Variants in MAGI1 observed in about 807,000 individuals in gnomAD.
MAGI1 encodes the protein membrane associated guanylate kinase, WW and PDZ domain containing 1, also known as membrane-associated guanylate kinase, WW and PDZ domain-containing protein 1.
In MAGI1, 58 loss-of-function variants were observed where a neutral mutation model predicts 139.9. The ratio of observed to expected loss-of-function variants is 0.41; its 90% CI spans 0.34 to 0.52. The LOEUF (loss-of-function observed/expected upper bound fraction) is 0.52, where lower values mean the gene tolerates loss of function less well. MAGI1 is among the 20% of genes least tolerant of loss of function. The pLI is 0.12. For synonymous variants in MAGI1, 812 were observed against 737.9 expected (o/e 1.10, Z -1.63); for missense variants, 1,874 against 1,901.6 (o/e 0.99, Z 0.27).
At chr3:65,806,669 G>A (rs1362289604) in intron 1 of MAGI1, among the ~76,000 whole-genome samples, 1 of 152,088 alleles carries the variant, frequency 6.6e-6, no homozygotes, top group Non-Finnish European at 1.5e-5. Context: ...TAATTCTGCT[G>A]GAGTTTTTAT....
At position 65,756,193 on chromosome 3, in the gene MAGI1, C is replaced by T. The variant is rs1688802381; in HGVS notation, c.314-134105G>A. ...AAAAGGGACAATTTGATGTAGTTTT[C>T]CACTTAGTGGATCCCTGAGAAAAAA... On this transcript the variant is annotated intron_variant, in intron 1 of 22. Transcript: ENST00000402939. Among the ~76,000 whole-genome samples, 3 of 150,956 alleles carry T rather than the reference C, an allele frequency of 2.0e-5. No homozygotes were observed. The South Asian group carries it at 6.2e-4, about 31-fold the overall frequency.
In MAGI1 at chr3:65,405,146, G is replaced by T. The variant is rs546321815; in HGVS notation, c.2168-3676C>A. Among the ~76,000 whole-genome samples, 7 of 152,294 alleles carry T rather than the reference G, an allele frequency of 4.6e-5. No individual in the cohort carries two copies. In the East Asian group the frequency reaches 9.7e-4, roughly 21 times the overall value. On this transcript the variant is annotated intron_variant, in intron 12 of 22. Transcript: ENST00000402939. ...AGAAAACTATTCCAGGGAAGTGTAT[G>T]TTCAAAGTGTGATCTGCAGGAGCGA...
intron 1 of MAGI1, among the ~76,000 whole-genome samples, chr3:65,782,032 A>G (rs1393850850): frequency 6.6e-6 from 1 of 152,208 alleles, no homozygotes; most frequent in Admixed American, 6.5e-5. Flanking sequence ...TCCATTTATC[A>G]CATGTCCCAA....
intron 1 of MAGI1, among the ~76,000 whole-genome samples, chr3:65,722,628 G>T (rs1419266170): frequency 1.3e-5 from 2 of 152,182 alleles, no homozygotes; most frequent in African/African-American, 4.8e-5. Context: ...GCGAGACCCT[G>T]TCTCAAAAAC....
intron 1 of MAGI1, among the ~76,000 whole-genome samples, chr3:66,004,102 A>G (rs538552184): frequency 6.6e-6 from 1 of 152,272 alleles, no homozygotes; most frequent in East Asian, 1.9e-4. Context: ...AGATGTGGGG[A>G]AAAAAATCCT....
At chr3:65,423,371 C>T (rs569004262) in intron 12 of MAGI1, among the ~76,000 whole-genome samples, 67 of 150,976 alleles carry the variant, frequency 4.4e-4, no homozygotes, top group African/African-American at 1.3e-3. Context: ...AACACACGTG[C>T]GTGCACACAC....
intron 2 of MAGI1, among the ~76,000 whole-genome samples, chr3:65,542,237 GA>G (rs2079268095): frequency 2.0e-5 from 3 of 152,108 alleles, no homozygotes; most frequent in Admixed American, 6.5e-5. Context: ...TCTTCAAGGA[GA>G]ATTACAAGCC....
chr3:65,870,485 C>G (rs1207741461), intron 1 of MAGI1, among the ~76,000 whole-genome samples: 1 of 151,548 alleles, frequency 6.6e-6, no homozygotes, highest in Non-Finnish European at 1.5e-5. Context: ...ATGAATGGAC[C>G]AAGGCAGTGA....
rs556087994 is a variant in MAGI1 at position 65,606,153 on chromosome 3, A to G, written c.430+15819T>C. On this transcript the variant is annotated intron_variant, in intron 2 of 22. Transcript: ENST00000402939. The stretch of plus-strand genomic sequence containing the variant: ...CTATGGGGATAATACTATTGTCCCA[A>G]TTTTATAAATTGCAAAACCTCGGGT... Among the ~76,000 whole-genome samples the G allele has an allele frequency of 2.3e-4, 35 of 152,120 alleles. 1 individual carries two copies. The highest frequency in any genetic ancestry group is 1.7e-3 in the South Asian group (8 of 4,830).
chr3:65,714,342 G>A (rs2031919063), intron 1 of MAGI1, among the ~76,000 whole-genome samples: 1 of 151,962 alleles, frequency 6.6e-6, no homozygotes, highest in South Asian at 2.1e-4. Flanking sequence ...GAACAATCTT[G>A]AGAGATGAGG....
chr3:65,606,258 T>G (rs6762205), intron 2 of MAGI1, among the ~76,000 whole-genome samples: 66,754 of 152,026 alleles, frequency 0.44, 15,111 homozygotes, highest in Non-Finnish European at 0.5. Flanking sequence ...CCAAAACCTA[T>G]GTTTACTCAG....
chr3:65,943,793 G>A (rs1283062413), intron 1 of MAGI1, among the ~76,000 whole-genome samples: 2 of 152,168 alleles, frequency 1.3e-5, no homozygotes, highest in African/African-American at 2.4e-5. Context: ...TAGAGAAGCA[G>A]TATCACAACA....
At chr3:65,784,020 G>C (rs1457292801) in intron 1 of MAGI1, among the ~76,000 whole-genome samples, 1 of 152,022 alleles carries the variant, frequency 6.6e-6, no homozygotes, top group African/African-American at 2.4e-5. Context: ...CTACTCAGGA[G>C]GCTGAGGCAG....
intron 2 of MAGI1, among the ~76,000 whole-genome samples, chr3:65,556,510 C>A (rs115733492): frequency 0.02 from 3,120 of 152,240 alleles, 102 homozygotes; most frequent in African/African-American, 0.071. Flanking sequence ...ATGTCATTTG[C>A]ATCCATCTCA....
At position 65,573,637 on chromosome 3, in the gene MAGI1, G is replaced by C. The variant is rs1189145114; in HGVS notation, c.430+48335C>G. Among the ~76,000 whole-genome samples, 3 of 152,092 alleles carry C rather than the reference G, an allele frequency of 2.0e-5. No individual in the cohort carries two copies. The East Asian group carries it at 5.8e-4, about 29-fold the overall frequency. ...TGAAAAACCTGCAGCTAACATCATAGTTAATGGTGAAAGAGTGAATGTTTT... is the reference window on the plus strand; with the variant it reads ...TGAAAAACCTGCAGCTAACATCATACTTAATGGTGAAAGAGTGAATGTTTT... On this transcript the variant is annotated intron_variant, in intron 2 of 22. Transcript: ENST00000402939.
At chr3:65,522,159 A>G (rs1052288153) in intron 2 of MAGI1, among the ~76,000 whole-genome samples, 1 of 152,206 alleles carries the variant, frequency 6.6e-6, no homozygotes, top group Non-Finnish European at 1.5e-5. Flanking sequence ...ATGAGATATG[A>G]GTCAAATAAT....
At position 65,785,351 on chromosome 3, in the gene MAGI1, C is replaced by T. The variant is rs912846120; in HGVS notation, c.314-163263G>A. The stretch of plus-strand genomic sequence containing the variant: ...TTTCATTCTTCCCCCTTTTCTTGGA[C>T]GGAATGAGGTATTAGTATGTTTCAT... On this transcript the variant is annotated intron_variant, in intron 1 of 22. Coordinates refer to ENST00000402939, the MANE Select transcript of MAGI1 (RefSeq NM_001033057.2). Among the ~76,000 whole-genome samples, 4 of 152,142 alleles carry T rather than the reference C, an allele frequency of 2.6e-5. No homozygotes were observed. The East Asian group carries it at 7.8e-4, about 29-fold the overall frequency.
intron 1 of MAGI1, among the ~76,000 whole-genome samples, chr3:65,756,243 T>C (rs925902722): frequency 6.6e-6 from 1 of 152,158 alleles, no homozygotes; most frequent in African/African-American, 2.4e-5. Flanking sequence ...ACTAAACTCT[T>C]CTAAAGATGG....
chr3:65,639,475 CG>C (rs1306772883), intron 1 of MAGI1, among the ~76,000 whole-genome samples: 1 of 152,106 alleles, frequency 6.6e-6, no homozygotes, highest in Non-Finnish European at 1.5e-5. Flanking sequence ...ATTTGAGTTT[CG>C]GGAAGTCATC....
Sources: gnomAD v4.1 joint callset for allele counts (sites outside exome capture counted in the v4.1 genomes callset) on GRCh38, gnomAD v4.1.1 for gene constraint, MANE v1.5 for transcripts, NCBI Gene and HGNC (gene_info 2026-07-23, HGNC 2026-07-21) for gene names.